Variants in SPECC1 observed in about 807,000 individuals in gnomAD.
SPECC1 encodes sperm antigen with calponin homology and coiled-coil domains 1.
In SPECC1, 62 loss-of-function variants were observed where a neutral mutation model predicts 104.1. That is an observed-to-expected ratio of 0.60 (90% CI 0.49 to 0.74). The LOEUF is 0.74. Among genes scored for constraint, SPECC1 ranks in the 30% least tolerant of loss-of-function variants. The probability of loss-of-function intolerance (pLI) is 0.00; values close to 1 mark genes in which losing one functional copy is unlikely to be tolerated. For synonymous variants in SPECC1, 513 were observed against 501.6 expected, an observed-to-expected ratio of 1.02 and a Z score of -0.30; for missense variants, 1,306 against 1,310.5, an observed-to-expected ratio of 1.00 and a Z score of 0.05.
At chr17:20,207,709 T>G (rs2151366964) in intron 4 of SPECC1, among the ~76,000 whole-genome samples, 1 of 152,336 alleles carries the variant, frequency 6.6e-6, no homozygotes, top group Non-Finnish European at 1.5e-5. Context: ...GCTAACCTTT[T>G]GCTGTATGTC....
intron 1 of SPECC1, among the ~76,000 whole-genome samples, chr17:20,093,740 T>G (rs1268213219): frequency 1.2e-3 from 145 of 117,742 alleles, no homozygotes; most frequent in Admixed American, 3.4e-3. Flanking sequence ...TTTGTTTTTT[T>G]TTTTTTTGGA....
chr17:20,012,077 G>A (rs537402195), intron 1 of SPECC1, among the ~76,000 whole-genome samples: 2 of 152,174 alleles, frequency 1.3e-5, no homozygotes, highest in African/African-American at 4.8e-5. Context: ...TGATTTCAGA[G>A]TTATTTTTGT....
intron 3 of SPECC1, among the ~76,000 whole-genome samples, chr17:20,192,590 G>A (rs1171664619): frequency 2.0e-5 from 3 of 152,112 alleles, no homozygotes; most frequent in African/African-American, 7.2e-5. Flanking sequence ...CACCCTGTTT[G>A]TAAGGTGAGG....
intron 3 of SPECC1, among the ~76,000 whole-genome samples, chr17:20,195,407 A>G (rs1003207052): frequency 6.6e-6 from 1 of 152,224 alleles, no homozygotes; most frequent in Non-Finnish European, 1.5e-5. Flanking sequence ...GGAGTTTCCC[A>G]TAACTTTAGA....
chr17:20,254,262 C>T (rs770179041), intron 10 of SPECC1, among the ~76,000 whole-genome samples: 5 of 151,598 alleles, frequency 3.3e-5, no homozygotes, highest in African/African-American at 4.9e-5. Context: ...ATCACATTTG[C>T]GTGGCGTCAT....
intron 1 of SPECC1, among the ~76,000 whole-genome samples, chr17:20,085,905 G>A (rs35003563): frequency 0.5 from 76,266 of 152,054 alleles, 19,652 homozygotes; most frequent in Middle Eastern, 0.6. Flanking sequence ...AGGGCCATGC[G>A]GCGATGATCC....
chr17:20,298,980 G>GTGT (rs1567617368), intron 13 of SPECC1, among the ~76,000 whole-genome samples: 6 of 28,296 alleles, frequency 2.1e-4, no homozygotes, highest in African/African-American at 1.2e-3. Flanking sequence ...TGTATGTAGA[G>GTGT]AGAGAGAGAG....
At chr17:20,166,603 T>G (rs759001825) in intron 3 of SPECC1, among the ~76,000 whole-genome samples, 10 of 151,922 alleles carry the variant, frequency 6.6e-5, no homozygotes, top group Non-Finnish European at 1.2e-4. Context: ...AAATAAAGAA[T>G]GAAAATTAAG....
At chr17:20,092,948 G>A (rs1302249724) in intron 1 of SPECC1, among the ~76,000 whole-genome samples, 1 of 152,164 alleles carries the variant, frequency 6.6e-6, no homozygotes, top group African/African-American at 2.4e-5. Context: ...ATCCGTCCCT[G>A]GTGTTTAGGT....
chr17:20,223,703 T>A (rs1380932606), intron 4 of SPECC1, among the ~76,000 whole-genome samples: 1 of 151,382 alleles, frequency 6.6e-6, no homozygotes, highest in Non-Finnish European at 1.5e-5. Flanking sequence ...TCAATCTCTT[T>A]ATTAAATATA....
At chr17:20,309,522 G>C (rs957343750) in intron 14 of SPECC1, among the ~76,000 whole-genome samples, 1 of 152,128 alleles carries the variant, frequency 6.6e-6, no homozygotes, top group African/African-American at 2.4e-5. Flanking sequence ...CATAGTAGCC[G>C]ATAGTTTTTC....
intron 1 of SPECC1, among the ~76,000 whole-genome samples, chr17:20,082,113 C>T (rs544187309): frequency 2.6e-5 from 4 of 152,312 alleles, no homozygotes; most frequent in South Asian, 4.2e-4. Context: ...CAACTTCCAC[C>T]GTGCTCGCGC....
At chr17:20,099,900 A>G (rs1313574165) in intron 2 of SPECC1, among the ~76,000 whole-genome samples, 1 of 152,202 alleles carries the variant, frequency 6.6e-6, no homozygotes. Context: ...GATTGGTTCC[A>G]GGACCCACTG....
chr17:20,202,222 T>C (rs1425893830), intron 3 of SPECC1, among the ~76,000 whole-genome samples: 1 of 152,154 alleles, frequency 6.6e-6, no homozygotes, highest in Non-Finnish European at 1.5e-5. Context: ...GTTGTTGCAG[T>C]GCGCTCAAGC....
rs766350255 is a variant in SPECC1 at position 20,253,514 on chromosome 17, A to G, written c.2608A>G (p.Thr870Ala). Reference protein sequence around the residue: ...AAVSPMQRHSTYSSVRPASRG... With the variant: ...AAVSPMQRHSAYSSVRPASRG... ...CCCCTGGTTTTTACAGAGGCATTCGACTTACAGCAGTGTGCGGCCAGCCAG... is the reference window on the plus strand; with the variant it reads ...CCCCTGGTTTTTACAGAGGCATTCGGCTTACAGCAGTGTGCGGCCAGCCAG... Residue 870 changes from threonine to alanine, a missense_variant, in exon 10 of 15, where the codon ACT becomes GCT. Physicochemically the swap from Thr to Ala is moderately conservative, Grantham distance 58. Transcript: ENST00000395527. The G allele has an allele frequency of 1.2e-6, 2 of 1,613,786 alleles. No individual in the cohort carries two copies. Among genetic ancestry groups the G allele is most frequent in the Admixed American group, 1.7e-5 (1 of 59,998 alleles).
chr17:20,149,939 A>G (rs1294824817), intron 3 of SPECC1, among the ~76,000 whole-genome samples: 1 of 152,164 alleles, frequency 6.6e-6, no homozygotes, highest in East Asian at 1.9e-4. Flanking sequence ...TTATCTTGCA[A>G]GCTAGATGTT....
At position 20,314,071 on chromosome 17, in the gene SPECC1, G is replaced by A. The variant is rs2042000851; in HGVS notation, c.*6G>A. The A allele has an allele frequency of 6.2e-7, 1 of 1,613,378 alleles. No homozygotes were observed. Among genetic ancestry groups the A allele is most frequent in the Non-Finnish European group, 8.5e-7 (1 of 1,179,642 alleles). ...ACAAGTACTTTGAGACGTAACCCTGGAGGGCCTGGGGCAGCCACCATTGCC... is the reference window on the plus strand; with the variant it reads ...ACAAGTACTTTGAGACGTAACCCTGAAGGGCCTGGGGCAGCCACCATTGCC... On this transcript the variant is annotated 3_prime_UTR_variant, in exon 15 of 15. Coordinates refer to ENST00000395527, the MANE Select transcript of SPECC1 (RefSeq NM_001243439.2).
At chr17:20,301,225 G>A (rs912631054) in intron 13 of SPECC1, among the ~76,000 whole-genome samples, 1 of 152,124 alleles carries the variant, frequency 6.6e-6, no homozygotes, top group Non-Finnish European at 1.5e-5. Flanking sequence ...GCACACGGGG[G>A]GAATCTTACT....
intron 1 of SPECC1, among the ~76,000 whole-genome samples, chr17:20,091,311 G>C (rs2047391509): frequency 6.6e-6 from 1 of 152,160 alleles, no homozygotes; most frequent in East Asian, 1.9e-4. Flanking sequence ...GCCCCAACCA[G>C]ATTTTCAGTG....
Sources: allele counts gnomAD v4.1 joint callset (sites outside exome capture counted in the v4.1 genomes callset), GRCh38; gene constraint gnomAD v4.1.1; transcripts MANE v1.5; gene names NCBI Gene and HGNC (gene_info 2026-07-23, HGNC 2026-07-21).